NDUFAF6: variants seen among roughly 807,000 people sequenced by gnomAD.
NDUFAF6 encodes NADH dehydrogenase (ubiquinone) complex I, assembly factor 6.
Under a neutral mutation model 40.8 loss-of-function variants are expected in NDUFAF6, and 45 were observed. The observed-to-expected ratio is 1.10, with a 90% confidence interval of 0.87 to 1.42. The LOEUF (loss-of-function observed/expected upper bound fraction) is 1.42. Among genes scored for constraint, NDUFAF6 ranks in the 40% most tolerant of loss-of-function variants. NDUFAF6 has a pLI of 0.00. For missense variants in NDUFAF6, 435 were observed against 418.5 expected (o/e 1.04, Z -0.34); for synonymous variants, 185 against 155.9 (o/e 1.19, Z -1.39).
intron 1 of NDUFAF6, among the ~76,000 whole-genome samples, chr8:94,965,624 G>A (rs1823951882): frequency 6.6e-6 from 1 of 152,210 alleles, no homozygotes. Flanking sequence ...GTAGGAAAGC[G>A]AGGTCACGGT....
chr8:95,030,987 G>A (rs776155602), intron 1 of NDUFAF6, among the ~76,000 whole-genome samples: 16 of 152,158 alleles, frequency 1.1e-4, no homozygotes, highest in African/African-American at 3.1e-4. Flanking sequence ...CAGCTGTAGC[G>A]TGAACTAATA....
chr8:95,111,342 A>G (rs1386970024), intron 4 of NDUFAF6, among the ~76,000 whole-genome samples: 4 of 152,218 alleles, frequency 2.6e-5, no homozygotes, highest in African/African-American at 9.6e-5. Flanking sequence ...CACTTCACAA[A>G]CATCACAGAA....
At chr8:94,925,549 C>CTTTTTT (rs1287916481) in intron 1 of NDUFAF6, among the ~76,000 whole-genome samples, 2 of 135,434 alleles carry the variant, frequency 1.5e-5, no homozygotes, top group African/African-American at 5.6e-5. Context: ...AAAAGAAATC[C>CTTTTTT]TTTTTTTTTT....
At chr8:95,042,693 CAAA>C (rs1392588877) in intron 4 of NDUFAF6, among the ~76,000 whole-genome samples, 2 of 152,126 alleles carry the variant, frequency 1.3e-5, no homozygotes, top group African/African-American at 2.4e-5. Context: ...ATAATCTTAA[CAAA>C]GAAGAACAAA....
At chr8:94,940,095 T>C in intron 1 of NDUFAF6, 2 of 1,614,224 alleles carry the variant, frequency 1.2e-6, no homozygotes, top group Non-Finnish European at 1.7e-6. Flanking sequence ...CAGGAATCAC[T>C]TGTATCAGCC....
intron 2 of NDUFAF6, among the ~76,000 whole-genome samples, chr8:94,991,874 T>C (rs929976758): frequency 6.6e-6 from 1 of 151,086 alleles, no homozygotes; most frequent in African/African-American, 2.4e-5. Flanking sequence ...AACCATTCTT[T>C]ATCGGAAGAC....
chr8:94,951,975 G>A (rs1368763515), intron 2 of NDUFAF6, among the ~76,000 whole-genome samples: 1 of 152,224 alleles, frequency 6.6e-6, no homozygotes, highest in African/African-American at 2.4e-5. Flanking sequence ...TGCCTGGGCA[G>A]ATCCAGTGAA....
At chr8:94,953,912 A>G (rs1178428702), upstream of NDUFAF6, among the ~76,000 whole-genome samples, 1 of 152,160 alleles carries the variant, frequency 6.6e-6, no homozygotes. Flanking sequence ...TGGCTTTGGC[A>G]AAGCCAGGCC....
intron 2 of NDUFAF6, among the ~76,000 whole-genome samples, chr8:94,987,093 C>A (rs1825949632): frequency 6.6e-6 from 1 of 152,180 alleles, no homozygotes; most frequent in African/African-American, 2.4e-5. Flanking sequence ...GAATGCATTC[C>A]TTTGTCCCCC....
upstream of NDUFAF6, among the ~76,000 whole-genome samples, chr8:94,956,359 A>G (rs192278737): frequency 7.2e-5 from 11 of 152,206 alleles, no homozygotes; most frequent in African/African-American, 2.7e-4. Flanking sequence ...TGAAAGGGGC[A>G]AGCAAGCTCT....
intron 2 of NDUFAF6, among the ~76,000 whole-genome samples, chr8:95,013,093 T>A (rs1452414649): frequency 6.6e-6 from 1 of 151,924 alleles, no homozygotes; most frequent in Non-Finnish European, 1.5e-5. Flanking sequence ...TATGGTTTCT[T>A]TTTCTTCTTC....
Position 95,088,687 on chromosome 8 carries a change from TTTTGTG to T in NDUFAF6, n.214-12443_214-12438del, listed in dbSNP as rs752492644. Among the ~76,000 whole-genome samples the T allele has an allele frequency of 4.2e-3, 539 of 126,872 alleles. 4 individuals are homozygous for T. The highest frequency in any genetic ancestry group is 0.036 in the Middle Eastern group (10 of 278). The allele number at this position is 126,872 out of a possible 152,430, so 83.2% of individuals were successfully genotyped here. Reference sequence around the variant, plus strand: ...TTTCAGCCAAGTCACTTTTTTGGGGTTTTGTGTGTGTGTGTGTGTGTGTGTGTGTGT... The same window carrying T: ...TTTCAGCCAAGTCACTTTTTTGGGGTTGTGTGTGTGTGTGTGTGTGTGTGT... On this transcript the variant is annotated intron_variant and non_coding_transcript_variant, in intron 2 of 5. Coordinates refer to the NDUFAF6 transcript ENST00000523184.
intron 1 of NDUFAF6, among the ~76,000 whole-genome samples, chr8:94,922,004 GTTTT>G (rs1298543169): frequency 6.6e-6 from 1 of 151,442 alleles, no homozygotes; most frequent in Non-Finnish European, 1.5e-5. Context: ...GTGTTTTTTT[GTTTT>G]TTTCTTTTTT....
At chr8:94,981,683 G>A (rs1016757117) in intron 2 of NDUFAF6, among the ~76,000 whole-genome samples, 6 of 152,066 alleles carry the variant, frequency 3.9e-5, no homozygotes, top group Non-Finnish European at 7.3e-5. Flanking sequence ...CTATGCTTAC[G>A]GCAATTTGCT....
At chr8:94,923,902 C>A (rs1563712521) in intron 1 of NDUFAF6, among the ~76,000 whole-genome samples, 1 of 150,360 alleles carries the variant, frequency 6.7e-6, no homozygotes, top group Non-Finnish European at 1.5e-5. Flanking sequence ...GCTGGCCAGG[C>A]TGGTCTCAAA....
chr8:95,031,965 G>T (rs372878215), intron 1 of NDUFAF6, 30 bp from the exon 2 acceptor site: 938 of 1,587,212 alleles, frequency 5.9e-4, no homozygotes, highest in Non-Finnish European at 7.8e-4. Context: ...AAAGTGAAGA[G>T]TAACTGTCTT....
Position 95,029,564 on chromosome 8 carries a change from C to T in NDUFAF6, c.198-2431C>T, listed in dbSNP as rs576161521. Among the ~76,000 whole-genome samples the T allele has an allele frequency of 4.4e-4, 67 of 152,292 alleles. 1 individual carries two copies. The highest frequency in any genetic ancestry group is 1.6e-3 in the African/African-American group (67 of 41,562). On this transcript the variant is annotated intron_variant, in intron 1 of 8. Transcript: ENST00000396124. ...ATCCACAGGCCCCATTCAAATTTTGCTGATTATCTTATTATGTCTTTCATA... is the reference window on the plus strand; with the variant it reads ...ATCCACAGGCCCCATTCAAATTTTGTTGATTATCTTATTATGTCTTTCATA...
intron 1 of NDUFAF6, among the ~76,000 whole-genome samples, chr8:94,961,514 C>T (rs546345994): frequency 7.9e-5 from 12 of 152,324 alleles, no homozygotes; most frequent in East Asian, 5.8e-4. Flanking sequence ...CTCCGCCTCC[C>T]GGGCTCCAGC....
chr8:94,918,796 A>G (rs1187584802), intron 1 of NDUFAF6, among the ~76,000 whole-genome samples: 1 of 152,002 alleles, frequency 6.6e-6, no homozygotes, highest in African/African-American at 2.4e-5. Flanking sequence ...TCTCTTTCCA[A>G]CCCATTCCCT....
Sources: gnomAD v4.1 joint callset for allele counts (sites outside exome capture counted in the v4.1 genomes callset) on GRCh38, gnomAD v4.1.1 for gene constraint, MANE v1.5 for transcripts, NCBI Gene and HGNC (gene_info 2026-07-23, HGNC 2026-07-21) for gene names.